Variants in FOXP1 observed in about 807,000 individuals in gnomAD.
FOXP1 encodes forkhead box protein P1.
A neutral mutation model predicts 98.2 loss-of-function variants in FOXP1; 15 were observed. The observed-to-expected ratio is 0.15, with a 90% CI of 0.10 to 0.24. FOXP1 has a LOEUF of 0.24. Among genes scored for constraint, FOXP1 ranks in the 10% least tolerant of loss-of-function variants. FOXP1 has a pLI of 1.00. For missense variants in FOXP1, 633 were observed against 848.5 expected, an observed-to-expected ratio of 0.75 and a Z score of 3.15; for synonymous variants, 371 against 314.5, an observed-to-expected ratio of 1.18 and a Z score of -1.90.
At chr3:71,489,681 A>ATAT (rs1365144567) in intron 3 of FOXP1, among the ~76,000 whole-genome samples, 3 of 152,210 alleles carry the variant, frequency 2.0e-5, no homozygotes, top group Non-Finnish European at 4.4e-5. Context: ...GAACGGTGGC[A>ATAT]TTAAATAACC....
At chr3:71,089,998 C>G (rs1331542014) in intron 7 of FOXP1, among the ~76,000 whole-genome samples, 1 of 152,022 alleles carries the variant, frequency 6.6e-6, no homozygotes, top group Non-Finnish European at 1.5e-5. Flanking sequence ...TAGGAGATGA[C>G]AGAAAATGAG....
chr3:70,963,314 TC>T (rs1327755341), intron 20 of FOXP1, among the ~76,000 whole-genome samples: 1 of 152,074 alleles, frequency 6.6e-6, no homozygotes, highest in Non-Finnish European at 1.5e-5. Context: ...AGAAGTGAAA[TC>T]CGATTTCGGG....
At chr3:71,299,294 A>G (rs2073636455) in intron 5 of FOXP1, among the ~76,000 whole-genome samples, 1 of 152,258 alleles carries the variant, frequency 6.6e-6, no homozygotes, top group Non-Finnish European at 1.5e-5. Context: ...AAGGCAGCCT[A>G]GCGCTGACAT....
intron 3 of FOXP1, among the ~76,000 whole-genome samples, chr3:71,378,837 A>G (rs1306251051): frequency 6.6e-6 from 1 of 152,136 alleles, no homozygotes; most frequent in African/African-American, 2.4e-5. Flanking sequence ...GAAAAAACAT[A>G]GCCCCTATAG....
intron 2 of FOXP1, chr3:71,573,715 T>C (rs1429288756): frequency 6.6e-6 from 1 of 152,112 alleles, no homozygotes; most frequent in Non-Finnish European, 1.5e-5. Flanking sequence ...TTCTCCAAAA[T>C]TATTTAAAGT....
chr3:71,375,750 T>C (rs2079665866), intron 3 of FOXP1, among the ~76,000 whole-genome samples: 1 of 152,200 alleles, frequency 6.6e-6, no homozygotes, highest in Non-Finnish European at 1.5e-5. Context: ...AAATCACTGT[T>C]CTAGTTGTTG....
At chr3:71,580,688 G>C in intron 2 of FOXP1, 1 of 610,148 alleles carries the variant, frequency 1.6e-6, no homozygotes, top group Non-Finnish European at 2.1e-6. Context: ...GGGGGAAAGG[G>C]GATGGAATGG....
chr3:71,470,541 A>G (rs570658850), intron 3 of FOXP1, among the ~76,000 whole-genome samples: 46 of 152,216 alleles, frequency 3.0e-4, no homozygotes, highest in Admixed American at 2.0e-3. Context: ...GGAGTTCAAG[A>G]CCAGTCTGGG....
Position 71,001,176 on chromosome 3 carries a change from T to C in FOXP1, c.975-117A>G. ...GGGTCTAGCTCCCAGGAGATAGTAG[T>C]CCAGGGGGTGGCCTGTCCTTTCCAT... On this transcript the variant is annotated intron_variant, in intron 12 of 20. Transcript: ENST00000649528. 2.7e-6 allele frequency: 2 copies of C among 745,400 alleles called. 1 individual carries two copies. The highest frequency in any genetic ancestry group is 4.7e-6 in the Non-Finnish European group (2 of 424,484). 46.2% of individuals were successfully genotyped at this position (745,400 alleles called of 1,614,324 possible).
chr3:71,174,785 T>TACACAC (rs3064896), intron 6 of FOXP1, among the ~76,000 whole-genome samples: 10,609 of 131,606 alleles, frequency 0.081, 437 homozygotes, highest in Middle Eastern at 0.11. Context: ...TGCACATGCA[T>TACACAC]ACACACACAC....
At chr3:71,495,033 A>G (rs1294246557) in intron 2 of FOXP1, among the ~76,000 whole-genome samples, 4 of 152,252 alleles carry the variant, frequency 2.6e-5, no homozygotes, top group Non-Finnish European at 5.9e-5. Flanking sequence ...AGGGCCCTAC[A>G]TAATCTGGCC....
intron 6 of FOXP1, among the ~76,000 whole-genome samples, chr3:71,193,440 G>A (rs1488765616): frequency 8.7e-6 from 1 of 115,540 alleles, no homozygotes; most frequent in Non-Finnish European, 1.7e-5. Flanking sequence ...GAGCCACTGC[G>A]CCCAGCCGTT....
chr3:71,425,511 C>G (rs2084079509), intron 3 of FOXP1, among the ~76,000 whole-genome samples: 1 of 152,120 alleles, frequency 6.6e-6, no homozygotes, highest in Non-Finnish European at 1.5e-5. Context: ...GGGAGACCAA[C>G]TTCTCAGAGC....
At chr3:71,316,846 CG>C (rs2075109993) in intron 4 of FOXP1, among the ~76,000 whole-genome samples, 2 of 151,858 alleles carry the variant, frequency 1.3e-5, no homozygotes, top group Admixed American at 1.3e-4. Flanking sequence ...TTAGTAGAAA[CG>C]GGGTTTTACC....
Position 71,503,601 on chromosome 3 carries a change from G to GAAAA in FOXP1, c.-297-10050_-297-10047dup, listed in dbSNP as rs368279502. 1.1e-3 allele frequency among the ~76,000 whole-genome samples: 84 copies of GAAAA among 75,458 alleles called. 1 individual carries two copies. The highest frequency in any genetic ancestry group is 1.4e-3 in the Non-Finnish European group (62 of 43,442). 49.5% of individuals were successfully genotyped at this position (75,458 alleles called of 152,430 possible). A position where few individuals can be genotyped will look rare whatever the true frequency, so the allele number is the denominator to read the frequency against. On this transcript the variant is annotated intron_variant, in intron 2 of 20. Transcript: ENST00000649528. ...GGGCAACAGAACGAGACTCTGTCTC[G>GAAAA]AAAAAAAAAAAAAAAAAAAACACCA...
At chr3:71,520,151 A>G (rs1560598974) in intron 2 of FOXP1, among the ~76,000 whole-genome samples, 1 of 152,238 alleles carries the variant, frequency 6.6e-6, no homozygotes, top group Non-Finnish European at 1.5e-5. Context: ...ACATTTCTTC[A>G]TCTTATTATG....
chr3:71,526,192 G>A (rs935397165), intron 2 of FOXP1, among the ~76,000 whole-genome samples: 5 of 151,932 alleles, frequency 3.3e-5, no homozygotes, highest in Non-Finnish European at 5.9e-5. Context: ...CTATGATGTC[G>A]GTGAACACAA....
intron 3 of FOXP1, among the ~76,000 whole-genome samples, chr3:71,413,340 C>T (rs1384781684): frequency 6.7e-6 from 1 of 148,278 alleles, no homozygotes; most frequent in African/African-American, 2.5e-5. Context: ...GACACTTCAT[C>T]CATATGACAC....
chr3:71,085,494 C>T (rs1052641272), intron 7 of FOXP1, among the ~76,000 whole-genome samples: 2 of 151,798 alleles, frequency 1.3e-5, no homozygotes, highest in Non-Finnish European at 1.5e-5. Context: ...TTTAGTATCC[C>T]AAAGTTTCAT....
Sources: allele counts gnomAD v4.1 joint callset (sites outside exome capture counted in the v4.1 genomes callset), GRCh38; gene constraint gnomAD v4.1.1; transcripts MANE v1.5; gene names NCBI Gene and HGNC (gene_info 2026-07-23, HGNC 2026-07-21).